Variants in PTH2R observed in about 807,000 individuals in gnomAD.
PTH2R encodes the protein PTH2 receptor.
Under a neutral mutation model 60.3 loss-of-function variants are expected in PTH2R, and 59 were observed. That is an observed-to-expected ratio of 0.98 (90% CI 0.79 to 1.22). PTH2R has a LOEUF of 1.22. Ranked by LOEUF, PTH2R falls within the 50% of genes most tolerant of loss-of-function variation. PTH2R has a pLI of 0.00. For missense variants in PTH2R, 749 were observed against 682.6 expected, an observed-to-expected ratio of 1.10 and a Z score of -1.08; for synonymous variants, 256 against 243.8, an observed-to-expected ratio of 1.05 and a Z score of -0.47.
intron 4 of PTH2R, among the ~76,000 whole-genome samples, chr2:208,438,433 C>T (rs902663082): frequency 2.0e-5 from 3 of 152,040 alleles, no homozygotes; most frequent in Admixed American, 6.6e-5. Context: ...ACTGAGAACC[C>T]GAGATTAGGT....
chr2:208,370,269 C>G (rs1700670399), intron 1 of PTH2R, among the ~76,000 whole-genome samples: 1 of 151,666 alleles, frequency 6.6e-6, no homozygotes, highest in South Asian at 2.1e-4. Context: ...TGGTGAAACC[C>G]TGTCTCTACT....
At position 208,494,353 on chromosome 2, in the gene PTH2R, A is replaced by G. The variant is rs1232075939; in HGVS notation, c.*694A>G. On this transcript the variant is annotated 3_prime_UTR_variant, in exon 13 of 13. Coordinates refer to ENST00000272847, the MANE Select transcript of PTH2R (RefSeq NM_005048.4). ...TTTGTAAACTATGTCATGTGGAAAG[A>G]TTTCCTCAGTTAGTGAGCTTGTGTC... 3 of 152,210 alleles carry G rather than the reference A, an allele frequency of 2.0e-5. No homozygotes were observed. The highest frequency in any genetic ancestry group is 2.1e-4 in the South Asian group (1 of 4,836). The allele number at this position is 152,210 out of a possible 1,614,324, so 9.4% of individuals were successfully genotyped here.
chr2:208,417,824 T>C (rs1701672179), intron 1 of PTH2R, among the ~76,000 whole-genome samples: 1 of 152,124 alleles, frequency 6.6e-6, no homozygotes, highest in Non-Finnish European at 1.5e-5. Flanking sequence ...AAGTCAGCCA[T>C]ATCTTGAGGG....
At chr2:208,489,279 A>G (rs1365598389) in intron 11 of PTH2R, 129 bp downstream of exon 11, 2 of 1,141,106 alleles carry the variant, frequency 1.8e-6, no homozygotes, top group South Asian at 3.1e-5. Flanking sequence ...GGGGGTGCAG[A>G]AAGGTCAATA....
At chr2:208,467,865 A>G (rs1702790255) in intron 9 of PTH2R, among the ~76,000 whole-genome samples, 1 of 152,178 alleles carries the variant, frequency 6.6e-6, no homozygotes. Context: ...TAAACATTTC[A>G]AAGAGATGAG....
At chr2:208,394,510 C>T (rs1183639792) in intron 1 of PTH2R, among the ~76,000 whole-genome samples, 1 of 152,226 alleles carries the variant, frequency 6.6e-6, no homozygotes, top group East Asian at 1.9e-4. Flanking sequence ...CCCATGACTG[C>T]AGGCATGACC....
intron 1 of PTH2R, among the ~76,000 whole-genome samples, chr2:208,367,294 A>G (rs780167135): frequency 6.6e-6 from 1 of 152,032 alleles, no homozygotes; most frequent in Non-Finnish European, 1.5e-5. Flanking sequence ...GGGTTTCGCC[A>G]TGTTGGCCAG....
intron 9 of PTH2R, among the ~76,000 whole-genome samples, chr2:208,478,805 G>A (rs192256535): frequency 2.0e-5 from 3 of 152,282 alleles, no homozygotes; most frequent in African/African-American, 7.2e-5. Context: ...AGGCCCTGCC[G>A]CTTGCTAGCT....
chr2:208,365,963 T>TCA (rs1700584560), intron 1 of PTH2R, among the ~76,000 whole-genome samples: 1 of 16,016 alleles, frequency 6.2e-5, no homozygotes, highest in Non-Finnish European at 1.1e-4. Context: ...TATATATATT[T>TCA]TTTTTTTTTT....
At chr2:208,360,945 G>T in intron 1 of PTH2R, 1 of 223,296 alleles carries the variant, frequency 4.5e-6, no homozygotes, top group Non-Finnish European at 9.4e-6. Flanking sequence ...CATTAGCCAG[G>T]AGCACGTTGC....
At chr2:208,361,400 A>T (rs1005587660) in intron 1 of PTH2R, 1 of 152,102 alleles carries the variant, frequency 6.6e-6, no homozygotes, top group Non-Finnish European at 1.5e-5. Context: ...TTTTCAGAGT[A>T]CCCCAGCTGC....
chr2:208,480,733 A>G (rs1703127733), intron 9 of PTH2R, among the ~76,000 whole-genome samples: 1 of 152,240 alleles, frequency 6.6e-6, no homozygotes, highest in African/African-American at 2.4e-5. Context: ...CATTTTAAAG[A>G]GGACAGTTGA....
intron 1 of PTH2R, chr2:208,360,582 C>G (rs531864261): frequency 6.5e-6 from 1 of 154,096 alleles, no homozygotes; most frequent in East Asian, 1.9e-4. Context: ...GCCGCGCTGC[C>G]GGCTCTACCT....
At chr2:208,360,188 C>T (rs1454274872) in exon 1 of PTH2R, 1 of 454,896 alleles carries the variant, frequency 2.2e-6, no homozygotes, top group Non-Finnish European at 4.4e-6. Flanking sequence ...TCTTTTTCTA[C>T]GATAAATGAA....
intron 1 of PTH2R, among the ~76,000 whole-genome samples, chr2:208,363,201 C>A (rs368435208): frequency 5.9e-5 from 9 of 151,918 alleles, no homozygotes; most frequent in African/African-American, 1.5e-4. Context: ...TGAAGTAGGC[C>A]CCAGTGTTTA....
At chr2:208,368,059 A>G (rs998923600) in intron 1 of PTH2R, among the ~76,000 whole-genome samples, 1 of 152,148 alleles carries the variant, frequency 6.6e-6, no homozygotes, top group Non-Finnish European at 1.5e-5. Flanking sequence ...GAGCAACTGG[A>G]TATTGCCAAT....
At chr2:208,365,362 T>C (rs1898437) in intron 1 of PTH2R, among the ~76,000 whole-genome samples, 112,154 of 152,066 alleles carry the variant, frequency 0.74, 45,144 homozygotes, top group East Asian at 0.93. Flanking sequence ...TTGAGTGTTT[T>C]TTTTCTTTTC....
intron 6 of PTH2R, among the ~76,000 whole-genome samples, chr2:208,443,919 A>G (rs1331179907): frequency 1.3e-5 from 2 of 152,140 alleles, no homozygotes; most frequent in African/African-American, 4.8e-5. Context: ...TTTATTGAGT[A>G]CTCGAAGACT....
chr2:208,414,784 G>A (rs1447906259), intron 1 of PTH2R, among the ~76,000 whole-genome samples: 1 of 152,012 alleles, frequency 6.6e-6, no homozygotes, highest in Non-Finnish European at 1.5e-5. Context: ...GAAGGATCGA[G>A]GTTAACATTA....
Sources: allele counts gnomAD v4.1 joint callset (sites outside exome capture counted in the v4.1 genomes callset), GRCh38; gene constraint gnomAD v4.1.1; transcripts MANE v1.5; gene names NCBI Gene and HGNC (gene_info 2026-07-23, HGNC 2026-07-21).